The following USP49 variants were observed in gnomAD, a reference collection of about 807,000 sequenced individuals.
The protein encoded by USP49 is ubiquitin specific peptidase 49.
In USP49, 24 loss-of-function variants were observed where a neutral mutation model predicts 58.6. The ratio of observed to expected loss-of-function variants is 0.41; its 90% confidence interval spans 0.30 to 0.58. USP49 has a LOEUF of 0.58. USP49 is among the 20% of genes least tolerant of loss of function. The pLI is 0.30. For synonymous variants in USP49, 408 were observed against 365.1 expected (o/e 1.12, Z -1.34); for missense variants, 703 against 866.1 (o/e 0.81, Z 2.36).
Position 41,794,143 on chromosome 6 carries a change from C to CA in USP49, c.*2389dup, listed in dbSNP as rs1772847054. On this transcript the variant is annotated 3_prime_UTR_variant, in exon 8 of 8. Transcript: ENST00000682992. ...CTTAAATACTAACGTCCTAAGTGTC[C>CA]AGTGCTGCCGCCTCTGGGTACCTGA... 6.6e-6 allele frequency: 1 copy of CA among 152,212 alleles called. No homozygotes were observed. Among genetic ancestry groups the CA allele is most frequent in the Admixed American group, 6.5e-5 (1 of 15,286 alleles). The allele number at this position is 152,212 out of a possible 1,614,324, so 9.4% of individuals were successfully genotyped here. A position where few individuals can be genotyped will look rare whatever the true frequency, so the allele number is the denominator to read the frequency against.
At chr6:41,859,321 C>T (rs1724224964) in intron 3 of USP49, among the ~76,000 whole-genome samples, 1 of 152,162 alleles carries the variant, frequency 6.6e-6, no homozygotes, top group South Asian at 2.1e-4. Flanking sequence ...GCTGCTCCCT[C>T]CCCTAGAACA....
chr6:41,865,305 A>C (rs1312364502), intron 3 of USP49, among the ~76,000 whole-genome samples: 1 of 152,074 alleles, frequency 6.6e-6, no homozygotes, highest in African/African-American at 2.4e-5. Context: ...TTGGCCTCCC[A>C]AAGTGCAGGG....
intron 3 of USP49, among the ~76,000 whole-genome samples, chr6:41,849,970 A>T (rs1343954975): frequency 6.6e-6 from 1 of 152,196 alleles, no homozygotes; most frequent in African/African-American, 2.4e-5. Context: ...AAACTGGAAA[A>T]TCCACAAATA....
intron 3 of USP49, among the ~76,000 whole-genome samples, chr6:41,849,822 G>C (rs1476127970): frequency 1.3e-5 from 2 of 151,918 alleles, no homozygotes; most frequent in African/African-American, 4.8e-5. Flanking sequence ...TGGCCAATAT[G>C]GTCTTGATCT....
At chr6:41,894,097 C>T (rs1277830908) in intron 1 of USP49, 1 of 151,874 alleles carries the variant, frequency 6.6e-6, no homozygotes, top group Non-Finnish European at 1.5e-5. Flanking sequence ...TCAGGACTCC[C>T]CCAGCTTCTC....
At chr6:41,802,828 T>G (rs143604398) in intron 5 of USP49, among the ~76,000 whole-genome samples, 49 of 152,286 alleles carry the variant, frequency 3.2e-4, no homozygotes, top group Admixed American at 5.2e-4. Context: ...ATAACATGCC[T>G]CTGTAACCAT....
At chr6:41,812,933 G>T (rs1173785760) in intron 3 of USP49, among the ~76,000 whole-genome samples, 2 of 151,938 alleles carry the variant, frequency 1.3e-5, no homozygotes, top group Non-Finnish European at 2.9e-5. Flanking sequence ...AGACTATAGA[G>T]AATATATACA....
At chr6:41,840,567 C>T (rs1773807980) in intron 3 of USP49, among the ~76,000 whole-genome samples, 2 of 151,998 alleles carry the variant, frequency 1.3e-5, no homozygotes, top group Non-Finnish European at 2.9e-5. Flanking sequence ...AGGAAGTGAG[C>T]AACTGGATGA....
intron 2 of USP49, among the ~76,000 whole-genome samples, chr6:41,878,157 G>A (rs1246987735): frequency 1.3e-5 from 2 of 152,114 alleles, no homozygotes; most frequent in Admixed American, 1.3e-4. Context: ...TATATGTTAG[G>A]TATTCTTTCT....
At chr6:41,853,734 C>T (rs963192061) in intron 3 of USP49, among the ~76,000 whole-genome samples, 6 of 151,068 alleles carry the variant, frequency 4.0e-5, no homozygotes, top group Non-Finnish European at 8.9e-5. Context: ...CAGTGGCTCA[C>T]GCCTGTAATC....
intron 3 of USP49, among the ~76,000 whole-genome samples, chr6:41,810,429 C>T (rs1773235771): frequency 6.6e-6 from 1 of 150,768 alleles, no homozygotes; most frequent in Non-Finnish European, 1.5e-5. Context: ...GTGGAAGTTG[C>T]AGTGAGCCAA....
chr6:41,837,857 C>T (rs111349739), intron 3 of USP49, among the ~76,000 whole-genome samples: 3,006 of 152,290 alleles, frequency 0.02, 49 homozygotes, highest in Admixed American at 0.03. Context: ...GAAAAGAATG[C>T]TCAGCATCAC....
chr6:41,851,592 T>C (rs2127350515), intron 3 of USP49, among the ~76,000 whole-genome samples: 1 of 152,302 alleles, frequency 6.6e-6, no homozygotes, highest in East Asian at 1.9e-4. Context: ...GCATGCACAC[T>C]CTCACTACTT....
intron 2 of USP49, among the ~76,000 whole-genome samples, chr6:41,884,983 A>G (rs1031381162): frequency 6.6e-6 from 1 of 152,254 alleles, no homozygotes; most frequent in South Asian, 2.1e-4. Flanking sequence ...CATAAATTAG[A>G]CAGCCACATC....
chr6:41,828,376 G>A (rs1378094772), intron 3 of USP49, among the ~76,000 whole-genome samples: 1 of 152,150 alleles, frequency 6.6e-6, no homozygotes, highest in African/African-American at 2.4e-5. Flanking sequence ...TTGAACCCGG[G>A]AGGCGGAGGT....
At chr6:41,858,022 T>G (rs1304720049) in intron 3 of USP49, among the ~76,000 whole-genome samples, 1 of 152,032 alleles carries the variant, frequency 6.6e-6, no homozygotes, top group Non-Finnish European at 1.5e-5. Flanking sequence ...AAAATGCAAA[T>G]GGGGTGTGTG....
chr6:41,884,123 A>C (rs1774666114), intron 2 of USP49, among the ~76,000 whole-genome samples: 1 of 152,020 alleles, frequency 6.6e-6, no homozygotes, highest in African/African-American at 2.4e-5. Context: ...TGCTGGGTTC[A>C]AGCAATTCTC....
intron 7 of USP49, chr6:41,798,431 G>A (rs1050964661): frequency 1.0e-5 from 6 of 581,164 alleles, no homozygotes; most frequent in Admixed American, 3.8e-5. Context: ...CCACCACCAC[G>A]CCCGGCTAAT....
intron 1 of USP49, among the ~76,000 whole-genome samples, chr6:41,893,082 G>GCCCA (rs1294038928): frequency 6.6e-6 from 1 of 152,108 alleles, no homozygotes; most frequent in Non-Finnish European, 1.5e-5. Flanking sequence ...AACACGAAAG[G>GCCCA]CAGTGGAGCT....
Sources: allele counts gnomAD v4.1 joint callset (sites outside exome capture counted in the v4.1 genomes callset), GRCh38; gene constraint gnomAD v4.1.1; transcripts MANE v1.5; gene names NCBI Gene and HGNC (gene_info 2026-07-23, HGNC 2026-07-21).